The following GABRG2 variants were observed in gnomAD, a reference collection of about 807,000 sequenced individuals.
GABRG2 encodes the protein gamma-aminobutyric acid type A receptor subunit gamma2, also known as gamma-aminobutyric acid receptor subunit gamma-2.
A neutral mutation model predicts 56.4 loss-of-function variants in GABRG2; 16 were observed. The ratio of observed to expected loss-of-function variants is 0.28; its 90% CI spans 0.19 to 0.43. GABRG2 has a LOEUF of 0.43. Among genes scored for constraint, GABRG2 ranks in the 20% least tolerant of loss-of-function variants. The pLI is 1.00. For synonymous variants in GABRG2, 208 were observed against 205.5 expected (o/e 1.01, Z -0.10); for missense variants, 327 against 582.7 (o/e 0.56, Z 4.52).
intron 6 of GABRG2, among the ~76,000 whole-genome samples, chr5:162,104,999 T>C (rs1761696254): frequency 2.0e-5 from 3 of 152,222 alleles, no homozygotes; most frequent in Non-Finnish European, 1.5e-5. Context: ...GAATTTCAAA[T>C]ACAAACATTG....
At chr5:162,110,781 A>C (rs1441233694) in intron 6 of GABRG2, among the ~76,000 whole-genome samples, 2 of 152,166 alleles carry the variant, frequency 1.3e-5, no homozygotes, top group Admixed American at 6.5e-5. Flanking sequence ...GTCAATACTA[A>C]ATTTTTCAAA....
At chr5:162,122,569 C>A (rs1763045942) in intron 6 of GABRG2, among the ~76,000 whole-genome samples, 1 of 151,766 alleles carries the variant, frequency 6.6e-6, no homozygotes, top group East Asian at 1.9e-4. Flanking sequence ...CTGTTTTATA[C>A]TTCAGATTAT....
intron 1 of GABRG2, among the ~76,000 whole-genome samples, chr5:162,070,299 G>A (rs1196028948): frequency 6.6e-6 from 1 of 151,886 alleles, no homozygotes; most frequent in East Asian, 1.9e-4. Flanking sequence ...ATTGCTGTTT[G>A]GTGCAGAGAA....
chr5:162,090,935 C>T (rs1213568824), intron 1 of GABRG2, among the ~76,000 whole-genome samples: 2 of 152,036 alleles, frequency 1.3e-5, no homozygotes, highest in East Asian at 3.9e-4. Flanking sequence ...TCCTAGATAG[C>T]CTATCTGTGA....
At position 162,152,144 on chromosome 5, in the gene GABRG2, A is replaced by G. The variant is rs3797870; in HGVS notation, c.1152+391A>G. 9 of 189,814 alleles carry G rather than the reference A, an allele frequency of 4.7e-5. No homozygotes were observed. The East Asian group carries it at 1.3e-3, about 28-fold the overall frequency. The allele number at this position is 189,814 out of a possible 1,614,324, so 11.8% of individuals were successfully genotyped here. A position where few individuals can be genotyped will look rare whatever the true frequency, so the allele number is the denominator to read the frequency against. ...TTAATTCAAAATGTATTGGTTCATT[A>G]CTGTTTGTAAACTTAATGATTTCTG... On this transcript the variant is annotated intron_variant, in intron 9 of 9. Coordinates refer to ENST00000639213, the MANE Select transcript of GABRG2 (RefSeq NM_198904.4).
intron 6 of GABRG2, among the ~76,000 whole-genome samples, chr5:162,123,638 T>C (rs1032647472): frequency 6.6e-6 from 1 of 151,890 alleles, no homozygotes; most frequent in African/African-American, 2.4e-5. Flanking sequence ...CTTCTTTTCA[T>C]TGGGTATTTA....
intron 1 of GABRG2, among the ~76,000 whole-genome samples, chr5:162,078,369 C>A (rs1176676243): frequency 2.6e-4 from 14 of 53,888 alleles, no homozygotes; most frequent in African/African-American, 1.1e-3. Context: ...GAGCATCTTA[C>A]TATATATATA....
At position 162,097,839 on chromosome 5, in the gene GABRG2, C is replaced by T. The variant is rs267606837; in HGVS notation, c.529C>T (p.Arg177Ter). 1 of 1,612,252 alleles carries T rather than the reference C, an allele frequency of 6.2e-7. No homozygotes were observed. Among genetic ancestry groups the T allele is most frequent in the Non-Finnish European group, 8.5e-7 (1 of 1,179,324 alleles). The change falls in exon 4 of 10, where the codon CGA becomes TGA. Residue 177 changes from arginine (R) to a stop codon, truncating the protein, a stop_gained. Transcript: ENST00000639213. LOFTEE classifies it high-confidence loss of function. ...NRMLRIWNDG[R>*]VLYTLRLTID... is the part of the protein sequence containing the mutation. ...GATGCTGAGAATTTGGAATGATGGT[C>T]GAGTGCTCTACACCCTAAGGTATTC... is the stretch of plus-strand genomic sequence containing the variant.
chr5:162,135,462 G>T (rs188556361), intron 6 of GABRG2, among the ~76,000 whole-genome samples: 1 of 152,234 alleles, frequency 6.6e-6, no homozygotes, highest in East Asian at 1.9e-4. Context: ...AATAATTGTG[G>T]AATTCCCTCT....
chr5:162,072,073 T>C (rs1375917747), intron 1 of GABRG2, among the ~76,000 whole-genome samples: 1 of 151,994 alleles, frequency 6.6e-6, no homozygotes, highest in Non-Finnish European at 1.5e-5. Context: ...AATGTCTCTT[T>C]CACGTCCTAG....
At chr5:162,088,423 G>T (rs1485014276) in intron 1 of GABRG2, among the ~76,000 whole-genome samples, 2 of 152,128 alleles carry the variant, frequency 1.3e-5, no homozygotes, top group Non-Finnish European at 2.9e-5. Context: ...CAAACAGAGG[G>T]AAGAGTTTAA....
At chr5:162,116,077 A>C (rs1247354101) in intron 6 of GABRG2, among the ~76,000 whole-genome samples, 1 of 150,812 alleles carries the variant, frequency 6.6e-6, no homozygotes, top group African/African-American at 2.4e-5. Context: ...GTCTGATTCC[A>C]ATTATGAATT....
intron 1 of GABRG2, among the ~76,000 whole-genome samples, chr5:162,089,032 T>G (rs1760352850): frequency 6.6e-6 from 1 of 152,050 alleles, no homozygotes; most frequent in Non-Finnish European, 1.5e-5. Context: ...TGTGATAAAT[T>G]CTATGAAACA....
chr5:162,128,993 G>T (rs1763531942), intron 6 of GABRG2, among the ~76,000 whole-genome samples: 1 of 151,932 alleles, frequency 6.6e-6, no homozygotes, highest in African/African-American at 2.4e-5. Context: ...ACTGCAAATA[G>T]TCTATTATAT....
intron 1 of GABRG2, among the ~76,000 whole-genome samples, chr5:162,092,187 G>A (rs556034536): frequency 6.6e-6 from 1 of 152,128 alleles, no homozygotes; most frequent in East Asian, 1.9e-4. Flanking sequence ...TTTTCTGGCA[G>A]CACACTGGCC....
chr5:162,075,745 C>G (rs1056300014), intron 1 of GABRG2, among the ~76,000 whole-genome samples: 6 of 151,704 alleles, frequency 4.0e-5, no homozygotes, highest in African/African-American at 1.2e-4. Flanking sequence ...GCATATATGG[C>G]TGTCAGGAAA....
At chr5:162,069,977 A>G (rs1189194241) in intron 1 of GABRG2, among the ~76,000 whole-genome samples, 1 of 152,158 alleles carries the variant, frequency 6.6e-6, no homozygotes, top group Non-Finnish European at 1.5e-5. Flanking sequence ...CTTAGTAAAC[A>G]GTTGTCTAAC....
At chr5:162,146,955 C>G (rs1475317797) in intron 7 of GABRG2, among the ~76,000 whole-genome samples, 1 of 152,198 alleles carries the variant, frequency 6.6e-6, no homozygotes, top group Non-Finnish European at 1.5e-5. Context: ...TAGCTGAACT[C>G]TTCAAAAATG....
At chr5:162,139,242 C>T (rs1350235210) in intron 6 of GABRG2, among the ~76,000 whole-genome samples, 1 of 152,198 alleles carries the variant, frequency 6.6e-6, no homozygotes, top group South Asian at 2.1e-4. Context: ...AGGAATAAAT[C>T]TGAAGTGGCA....
Sources: allele counts gnomAD v4.1 joint callset (sites outside exome capture counted in the v4.1 genomes callset), GRCh38; gene constraint gnomAD v4.1.1; transcripts MANE v1.5; gene names NCBI Gene and HGNC (gene_info 2026-07-23, HGNC 2026-07-21).